Variants in PHF21A observed in about 807,000 individuals in gnomAD.
PHF21A encodes BHC80a.
Under a neutral mutation model 82.5 loss-of-function variants are expected in PHF21A, and 11 were observed. The observed-to-expected ratio is 0.13, with a 90% CI of 0.08 to 0.22. PHF21A has a LOEUF of 0.22. Among genes scored for constraint, PHF21A ranks in the 10% least tolerant of loss-of-function variants. The pLI is 1.00. For synonymous variants in PHF21A, 297 were observed against 302.8 expected, an observed-to-expected ratio of 0.98 and a Z score of 0.20; for missense variants, 579 against 837.8, an observed-to-expected ratio of 0.69 and a Z score of 3.81.
chr11:46,078,539 T>C (rs1406307894), intron 5 of PHF21A, among the ~76,000 whole-genome samples: 2 of 152,172 alleles, frequency 1.3e-5, no homozygotes, highest in African/African-American at 4.8e-5. Flanking sequence ...AATGCCTAAG[T>C]GAAAAATGCC....
chr11:45,983,880 C>G (rs747258401), intron 6 of PHF21A, among the ~76,000 whole-genome samples: 32 of 152,208 alleles, frequency 2.1e-4, no homozygotes, highest in Admixed American at 5.9e-4. Context: ...TCACTGCTCC[C>G]TATATAAAGG....
intron 10 of PHF21A, among the ~76,000 whole-genome samples, chr11:45,960,853 G>A (rs905205845): frequency 1.3e-5 from 2 of 152,196 alleles, no homozygotes; most frequent in Non-Finnish European, 2.9e-5. Flanking sequence ...ACAGTTACCA[G>A]TATTTTAACA....
intron 6 of PHF21A, among the ~76,000 whole-genome samples, chr11:46,015,220 G>A (rs2095493302): frequency 6.6e-6 from 1 of 151,992 alleles, no homozygotes; most frequent in Non-Finnish European, 1.5e-5. Context: ...GTTGATTTAA[G>A]TTCCTTACAG....
intron 18 of PHF21A, chr11:45,934,742 GAAGCC>G: frequency 3.1e-6 from 1 of 326,362 alleles, no homozygotes; most frequent in Non-Finnish European, 6.0e-6. Flanking sequence ...TAGGAGGATC[GAAGCC>G]CCAAGGACAA....
intron 10 of PHF21A, among the ~76,000 whole-genome samples, chr11:45,958,414 AAAAAAATAT>A (rs1410734237): frequency 8.1e-5 from 2 of 24,780 alleles, no homozygotes; most frequent in African/African-American, 2.3e-4. Context: ...AAAAAAAAAA[AAAAAAATAT>A]ATATATATAT....
At chr11:45,936,633 G>T in intron 16 of PHF21A, 64 bp from the exon 17 acceptor site, 1 of 1,033,660 alleles carries the variant, frequency 9.7e-7, no homozygotes, top group Non-Finnish European at 1.5e-6. Flanking sequence ...CTATGTAACA[G>T]CTAGCAGTGG....
At chr11:45,950,294 C>A (rs776951393) in intron 11 of PHF21A, 37 bp from the exon 12 acceptor site, 4 of 1,594,726 alleles carry the variant, frequency 2.5e-6, no homozygotes, top group Non-Finnish European at 3.4e-6. Context: ...ATGCTTCAGT[C>A]TGGGTTCTCA....
At chr11:46,110,288 T>C (rs2135986058) in intron 1 of PHF21A, among the ~76,000 whole-genome samples, 2 of 152,140 alleles carry the variant, frequency 1.3e-5, no homozygotes, top group East Asian at 3.9e-4. Flanking sequence ...TTCCCAAGAG[T>C]GTACAGCTAC....
chr11:46,057,071 T>A (rs1392272481), intron 6 of PHF21A, among the ~76,000 whole-genome samples: 2 of 152,202 alleles, frequency 1.3e-5, no homozygotes, highest in Non-Finnish European at 2.9e-5. Context: ...TTGACATTAA[T>A]CTGTTTTGGT....
At chr11:46,000,707 G>T (rs1016931303) in intron 6 of PHF21A, among the ~76,000 whole-genome samples, 1 of 152,038 alleles carries the variant, frequency 6.6e-6, no homozygotes, top group African/African-American at 2.4e-5. Flanking sequence ...ATCACCTGAG[G>T]TTTGGAGTTA....
At chr11:46,024,035 A>G (rs1420453034) in intron 6 of PHF21A, among the ~76,000 whole-genome samples, 2 of 152,214 alleles carry the variant, frequency 1.3e-5, no homozygotes, top group East Asian at 1.9e-4. Flanking sequence ...CTGATGTTCT[A>G]AGGAACACAG....
chr11:46,063,114 T>C (rs905523619), intron 6 of PHF21A, among the ~76,000 whole-genome samples: 3 of 152,074 alleles, frequency 2.0e-5, no homozygotes, highest in South Asian at 2.1e-4. Context: ...GGGAGAGGAA[T>C]AGAGACGAAG....
chr11:46,120,557 G>T (rs1281134091), intron 1 of PHF21A: 2 of 152,424 alleles, frequency 1.3e-5, no homozygotes, highest in East Asian at 3.9e-4. Flanking sequence ...AGGGGTGGAG[G>T]GCAGAGGGGA....
chr11:46,026,949 GAA>G (rs2095758095), intron 6 of PHF21A: 1 of 152,310 alleles, frequency 6.6e-6, no homozygotes, highest in East Asian at 1.9e-4. Context: ...TTGGAACACA[GAA>G]AATCTGCTTT....
chr11:46,067,277 C>G (rs17787417), intron 6 of PHF21A, among the ~76,000 whole-genome samples: 2,904 of 152,164 alleles, frequency 0.019, 54 homozygotes, highest in Non-Finnish European at 0.031. Context: ...AGAAACGACA[C>G]AGCATAACAA....
At chr11:46,084,086 T>C in intron 4 of PHF21A, 80 bp downstream of exon 4, 4 of 1,052,146 alleles carry the variant, frequency 3.8e-6, no homozygotes, top group Non-Finnish European at 5.6e-6. Context: ...AAAACTATAC[T>C]AAACACCAGA....
chr11:46,090,721 T>G (rs961827437), intron 2 of PHF21A, 155 bp from the exon 3 acceptor site: 4 of 151,034 alleles, frequency 2.6e-5, no homozygotes, highest in Non-Finnish European at 2.9e-5. Context: ...TGAGCTACAT[T>G]TTTTTTAAAT....
intron 1 of PHF21A, among the ~76,000 whole-genome samples, chr11:46,105,283 T>TA (rs2097141053): frequency 6.6e-6 from 1 of 152,202 alleles, no homozygotes; most frequent in African/African-American, 2.4e-5. Flanking sequence ...ACAAAACTTT[T>TA]AACCTTTTTA....
At position 45,965,459 on chromosome 11, in the gene PHF21A, G is replaced by A. The variant is rs776553641; in HGVS notation, c.852C>T (p.Pro284=). ...CAGTCTGCCCATTGACGACACGGAC[G>A]GGGTGGATGGAATTCTGGGATGTGG... ...TLPTSQNSIH[P]VRVVNGQTAT... is the part of the protein sequence containing the mutation. The change falls in exon 10 of 19, where the codon CCC becomes CCT. Residue 284 remains proline (P), a synonymous_variant. Coordinates refer to ENST00000676320, the MANE Select transcript of PHF21A (RefSeq NM_001352027.3). 8.5e-5 allele frequency: 137 copies of A among 1,614,048 alleles called. No individual in the cohort carries two copies. Among genetic ancestry groups the A allele is most frequent in the South Asian group, 8.0e-4 (73 of 91,058 alleles).
Sources: allele counts gnomAD v4.1 joint callset (sites outside exome capture counted in the v4.1 genomes callset), GRCh38; gene constraint gnomAD v4.1.1; transcripts MANE v1.5; gene names NCBI Gene and HGNC (gene_info 2026-07-23, HGNC 2026-07-21).